The following C12orf42 variants were observed in gnomAD, a reference collection of about 807,000 sequenced individuals.
The protein encoded by C12orf42 is uncharacterized protein C12orf42.
C12orf42 carries 25 observed loss-of-function variants against 21.6 expected under a neutral mutation model. The observed-to-expected ratio is 1.16, with a 90% CI of 0.84 to 1.62. The LOEUF is 1.62. Ranked by LOEUF, C12orf42 falls within the 40% of genes most tolerant of loss-of-function variation. The pLI is 0.00. For missense variants in C12orf42, 483 were observed against 459.3 expected (o/e 1.05, Z -0.47); for synonymous variants, 174 against 175.0 (o/e 0.99, Z 0.05).
chr12:103,113,513 T>C, the C12orf42 span, among the ~76,000 whole-genome samples: 1 of 148,712 alleles, frequency 6.7e-6, no homozygotes, highest in African/African-American at 2.6e-5. Context: ...TCTTTTCTCC[T>C]AAAGTTTTGG....
the C12orf42 span, among the ~76,000 whole-genome samples, chr12:103,135,346 T>TGCAGGTGGG: frequency 1.3e-5 from 2 of 152,006 alleles, no homozygotes; most frequent in East Asian, 3.9e-4. Flanking sequence ...TAGTCCCAGC[T>TGCAGGTGGG]ACTCAGGAGG....
At chr12:103,200,382 C>A in the C12orf42 span, among the ~76,000 whole-genome samples, 188 of 152,186 alleles carry the variant, frequency 1.2e-3, 8 homozygotes, top group South Asian at 0.039. Flanking sequence ...AGTTATACAA[C>A]TTAATCAAAT....
At chr12:103,228,013 C>T in the C12orf42 span, among the ~76,000 whole-genome samples, 1 of 152,138 alleles carries the variant, frequency 6.6e-6, no homozygotes, top group Non-Finnish European at 1.5e-5. Context: ...GACTTGAGGT[C>T]ATAGGTGGAT....
chr12:103,057,810 G>A, the C12orf42 span, among the ~76,000 whole-genome samples: 4 of 152,092 alleles, frequency 2.6e-5, no homozygotes, highest in East Asian at 7.7e-4. Flanking sequence ...AATCTACACT[G>A]TCACCAACAG....
the C12orf42 span, among the ~76,000 whole-genome samples, chr12:103,161,013 G>T: frequency 4.6e-5 from 7 of 152,136 alleles, 1 homozygote; most frequent in Admixed American, 3.3e-4. Context: ...TATGTGAAAC[G>T]TTGAGCATAA....
chr12:103,094,239 A>C, the C12orf42 span, among the ~76,000 whole-genome samples: 2 of 152,174 alleles, frequency 1.3e-5, no homozygotes, highest in East Asian at 3.9e-4. Context: ...ACCTTCTTCA[A>C]GTCTGGATTC....
At chr12:103,561,723 C>A in the C12orf42 span, among the ~76,000 whole-genome samples, 1 of 152,116 alleles carries the variant, frequency 6.6e-6, no homozygotes, top group African/African-American at 2.4e-5. Flanking sequence ...TTACCCTTTA[C>A]AAAAATGGAA....
the C12orf42 span, among the ~76,000 whole-genome samples, chr12:103,184,005 T>C: frequency 6.6e-6 from 1 of 152,380 alleles, no homozygotes; most frequent in East Asian, 1.9e-4. Context: ...TGGTTGGGAA[T>C]GTCCCATAGA....
At chr12:103,146,608 G>GAA in the C12orf42 span, among the ~76,000 whole-genome samples, 1 of 147,430 alleles carries the variant, frequency 6.8e-6, no homozygotes, top group African/African-American at 2.5e-5. Context: ...AAGAAAGAAA[G>GAA]AAAAAGAAAA....
chr12:103,243,809 A>T (rs991843959), intron 10 of C12orf42, among the ~76,000 whole-genome samples: 1 of 152,186 alleles, frequency 6.6e-6, no homozygotes, highest in Non-Finnish European at 1.5e-5. Flanking sequence ...GATGTTGTCC[A>T]TGGCAGTGCC....
chr12:103,145,857 A>C, the C12orf42 span, among the ~76,000 whole-genome samples: 1 of 152,152 alleles, frequency 6.6e-6, no homozygotes, highest in Non-Finnish European at 1.5e-5. Flanking sequence ...GTTGAACAGA[A>C]AAAAAACAGA....
At chr12:103,322,123 GCGCACACA>G (rs751948096) in intron 4 of C12orf42, among the ~76,000 whole-genome samples, 1,478 of 119,190 alleles carry the variant, frequency 0.012, 30 homozygotes, top group African/African-American at 0.04. Context: ...GCGCGCGCGC[GCGCACACA>G]CACACACACA....
intron 4 of C12orf42, among the ~76,000 whole-genome samples, chr12:103,310,250 C>T (rs1235298435): frequency 6.6e-6 from 1 of 151,848 alleles, no homozygotes; most frequent in Admixed American, 6.6e-5. Flanking sequence ...TCCCCTTCTC[C>T]CCTACTCTCT....
At chr12:103,282,180 C>G (rs923034393) in intron 4 of C12orf42, among the ~76,000 whole-genome samples, 2 of 152,054 alleles carry the variant, frequency 1.3e-5, no homozygotes, top group Admixed American at 1.3e-4. Context: ...TAAATTGGTG[C>G]CTGCATTAAA....
chr12:103,114,753 A>G, the C12orf42 span, among the ~76,000 whole-genome samples: 2 of 152,226 alleles, frequency 1.3e-5, no homozygotes, highest in Admixed American at 1.3e-4. Context: ...GCTGTTGAGG[A>G]CAGAAGGCCT....
chr12:103,071,385 A>G, the C12orf42 span, among the ~76,000 whole-genome samples: 9 of 152,152 alleles, frequency 5.9e-5, no homozygotes, highest in South Asian at 1.9e-3. Context: ...AGCAACACCC[A>G]CCTTCCAAAG....
the C12orf42 span, among the ~76,000 whole-genome samples, chr12:103,071,284 A>G: frequency 6.6e-6 from 1 of 152,116 alleles, no homozygotes; most frequent in Non-Finnish European, 1.5e-5. Context: ...GTTTATTTTT[A>G]ATGTTTCTTA....
the C12orf42 span, among the ~76,000 whole-genome samples, chr12:103,513,359 A>G: frequency 6.6e-6 from 1 of 152,190 alleles, no homozygotes; most frequent in Non-Finnish European, 1.5e-5. Context: ...CAGAGCTAAG[A>G]AAAAAAGAAA....
At chr12:103,516,711 G>A in the C12orf42 span, among the ~76,000 whole-genome samples, 2 of 152,174 alleles carry the variant, frequency 1.3e-5, no homozygotes. Context: ...CTTAACACAT[G>A]TGGATTACAA....
Sources: allele counts gnomAD v4.1 joint callset (sites outside exome capture counted in the v4.1 genomes callset), GRCh38; gene constraint gnomAD v4.1.1; transcripts MANE v1.5; gene names NCBI Gene and HGNC (gene_info 2026-07-23, HGNC 2026-07-21).